FARS2: variants seen among roughly 807,000 people sequenced by gnomAD.
The protein encoded by FARS2 is phenylalanyl-tRNA synthetase 2, mitochondrial.
Under a neutral mutation model 46.4 loss-of-function variants are expected in FARS2, and 40 were observed. The observed-to-expected ratio is 0.86, with a 90% CI of 0.67 to 1.12. The LOEUF (loss-of-function observed/expected upper bound fraction) is 1.12. Ranked by LOEUF, FARS2 falls within the 50% of genes most tolerant of loss-of-function variation. The pLI, the probability that FARS2 is intolerant of heterozygous loss-of-function variation, is 0.00. For synonymous variants in FARS2, 234 were observed against 214.9 expected (o/e 1.09, Z -0.78); for missense variants, 513 against 567.9 (o/e 0.90, Z 0.98).
chr6:5,511,977 A>G (rs1768485495), intron 4 of FARS2, among the ~76,000 whole-genome samples: 1 of 152,232 alleles, frequency 6.6e-6, no homozygotes, highest in Admixed American at 6.5e-5. Context: ...TAAACAGTTG[A>G]GTCCTCTTTT....
chr6:5,415,305 CTTTTCTTTTTTTTT>C (rs1449095485), intron 3 of FARS2, among the ~76,000 whole-genome samples: 1 of 91,584 alleles, frequency 1.1e-5, no homozygotes, highest in Non-Finnish European at 2.1e-5. Flanking sequence ...ATTTTCTTTT[CTTTTCTTTTTTTTT>C]TTTTTTTTTT....
At chr6:5,579,418 C>A (rs867354920) in intron 5 of FARS2, among the ~76,000 whole-genome samples, 1 of 151,918 alleles carries the variant, frequency 6.6e-6, no homozygotes, top group Admixed American at 6.6e-5. Flanking sequence ...GGATTACAGG[C>A]GCCCACCACC....
intron 4 of FARS2, among the ~76,000 whole-genome samples, chr6:5,540,889 C>G (rs1770586544): frequency 6.6e-6 from 1 of 152,156 alleles, no homozygotes; most frequent in Admixed American, 6.5e-5. Flanking sequence ...TTAGGAAGAT[C>G]CGCTATATTA....
intron 4 of FARS2, among the ~76,000 whole-genome samples, chr6:5,542,433 A>G (rs1481299164): frequency 6.6e-6 from 1 of 152,192 alleles, no homozygotes; most frequent in Non-Finnish European, 1.5e-5. Flanking sequence ...ATACTTAGGA[A>G]TGGAATTGCT....
intron 3 of FARS2, among the ~76,000 whole-genome samples, chr6:5,416,698 T>C (rs1365775398): frequency 6.6e-6 from 1 of 152,244 alleles, no homozygotes; most frequent in Non-Finnish European, 1.5e-5. Flanking sequence ...TTTTCTTTGT[T>C]CTCTTACTTT....
At chr6:5,729,966 C>T (rs1399671414) in intron 6 of FARS2, among the ~76,000 whole-genome samples, 1 of 152,182 alleles carries the variant, frequency 6.6e-6, no homozygotes, top group Non-Finnish European at 1.5e-5. Flanking sequence ...GGAGCAGCCC[C>T]CTGACCCCAG....
At chr6:5,446,828 C>G (rs1764212318) in intron 4 of FARS2, among the ~76,000 whole-genome samples, 1 of 152,176 alleles carries the variant, frequency 6.6e-6, no homozygotes, top group African/African-American at 2.4e-5. Flanking sequence ...CATCATCTCA[C>G]TTAGTCACCC....
At chr6:5,674,448 A>G (rs918584092) in intron 6 of FARS2, among the ~76,000 whole-genome samples, 10 of 152,176 alleles carry the variant, frequency 6.6e-5, no homozygotes, top group African/African-American at 9.7e-5. Flanking sequence ...AGCTGGCCAC[A>G]CTGTAAAGGC....
chr6:5,544,664 T>G (rs1770850282), intron 4 of FARS2, among the ~76,000 whole-genome samples: 1 of 152,230 alleles, frequency 6.6e-6, no homozygotes, highest in South Asian at 2.1e-4. Context: ...TTGGTAAGAA[T>G]AAGCATTATG....
chr6:5,469,781 C>T (rs1013729986), intron 4 of FARS2, among the ~76,000 whole-genome samples: 2 of 152,126 alleles, frequency 1.3e-5, no homozygotes, highest in African/African-American at 4.8e-5. Context: ...TTTCTTTTTC[C>T]TTTAAGGGAG....
At chr6:5,758,660 C>G (rs938764331) in intron 6 of FARS2, among the ~76,000 whole-genome samples, 2 of 152,158 alleles carry the variant, frequency 1.3e-5, no homozygotes, top group African/African-American at 4.8e-5. Flanking sequence ...GAATGTGTTC[C>G]CCTAAATGAG....
chr6:5,635,188 ATGG>A (rs1776483556), intron 6 of FARS2, among the ~76,000 whole-genome samples: 1 of 152,214 alleles, frequency 6.6e-6, no homozygotes, highest in Admixed American at 6.5e-5. Context: ...GTTATTGTTG[ATGG>A]TGCTGGTTAC....
chr6:5,273,973 A>G (rs576810911), intron 1 of FARS2, among the ~76,000 whole-genome samples: 31 of 152,308 alleles, frequency 2.0e-4, no homozygotes, highest in South Asian at 4.1e-4. Flanking sequence ...CTGGTTCTCT[A>G]TTTTATTATT....
rs1014427 is a variant in FARS2 at position 5,418,619 on chromosome 6, C to A, written c.773-12422C>A. Among the ~76,000 whole-genome samples, 4 of 152,086 alleles carry A rather than the reference C, an allele frequency of 2.6e-5. No homozygotes were observed. In the East Asian group the frequency reaches 7.7e-4, roughly 29 times the overall value. On this transcript the variant is annotated intron_variant, in intron 3 of 6. Coordinates refer to ENST00000274680, the MANE Select transcript of FARS2 (RefSeq NM_006567.5). ...AGGTAGATTTTTCAACACACATGAT[C>A]AGTGTTCAGTTGAATGCTGAAGGGG...
chr6:5,690,631 T>C (rs1303371787), intron 6 of FARS2, among the ~76,000 whole-genome samples: 1 of 151,992 alleles, frequency 6.6e-6, no homozygotes, highest in Non-Finnish European at 1.5e-5. Context: ...GCCCTTAACA[T>C]TTTTTCCTTC....
intron 5 of FARS2, among the ~76,000 whole-genome samples, chr6:5,612,216 A>G (rs1775227341): frequency 6.6e-6 from 1 of 152,236 alleles, no homozygotes; most frequent in Admixed American, 6.5e-5. Context: ...TTCTTCAGAT[A>G]CTTTGCCATT....
At chr6:5,414,670 T>C (rs1380168698) in intron 3 of FARS2, among the ~76,000 whole-genome samples, 2 of 152,220 alleles carry the variant, frequency 1.3e-5, no homozygotes, top group Non-Finnish European at 2.9e-5. Context: ...TATTGTTGGC[T>C]ATTTGGGTTG....
chr6:5,633,262 CTTTTTTTTTTTTTTTTT>C (rs59797062), intron 6 of FARS2, among the ~76,000 whole-genome samples: 5 of 50,052 alleles, frequency 1.0e-4, no homozygotes, highest in African/African-American at 2.9e-4. Context: ...CCATCCCTGG[CTTTTTTTTTTTTTTTTT>C]TTTTTTTTTT....
intron 5 of FARS2, among the ~76,000 whole-genome samples, chr6:5,591,784 A>G (rs1214189873): frequency 6.6e-6 from 1 of 152,220 alleles, no homozygotes; most frequent in Non-Finnish European, 1.5e-5. Context: ...TTGGATTCCC[A>G]TAGTACTGTG....
Sources: gnomAD v4.1 joint callset for allele counts (sites outside exome capture counted in the v4.1 genomes callset) on GRCh38, gnomAD v4.1.1 for gene constraint, MANE v1.5 for transcripts, NCBI Gene and HGNC (gene_info 2026-07-23, HGNC 2026-07-21) for gene names.